Variants in RBX1 observed in about 807,000 individuals in gnomAD.
The protein encoded by RBX1 is ring-box 1, also known as E3 ubiquitin-protein ligase RBX1.
For missense variants in RBX1, 46 were observed against 141.4 expected (o/e 0.33, Z 3.42); for synonymous variants, 48 against 47.9 (o/e 1.00, Z -0.01).
rs2058358333 is a variant in RBX1, at chr22:40,967,895, T to G, written c.314+11T>G. The G allele has an allele frequency of 6.3e-7, 1 of 1,599,840 alleles. No individual in the cohort carries two copies. The highest frequency in any genetic ancestry group is 8.6e-7 in the Non-Finnish European group (1 of 1,167,194). ...GTGGGAATTCCAAAAGTAGGTATCT[T>G]TGGTTGTTTTGACGGGGCTTTTTGA... is the stretch of plus-strand genomic sequence containing the variant. On this transcript the variant is annotated intron_variant, in intron 4 of 4. Coordinates refer to ENST00000216225, the MANE Select transcript of RBX1 (RefSeq NM_014248.4).
intron 2 of RBX1, among the ~76,000 whole-genome samples, chr22:40,953,955 A>G (rs898185355): frequency 6.6e-6 from 1 of 152,148 alleles, no homozygotes. Flanking sequence ...AAATAGTGAA[A>G]GGAGGAAAAT....
chr22:40,958,869 A>G (rs1047565878), intron 2 of RBX1, among the ~76,000 whole-genome samples: 14 of 151,752 alleles, frequency 9.2e-5, no homozygotes, highest in African/African-American at 3.4e-4. Flanking sequence ...GCTGGAGTGC[A>G]GTGGCATGAT....
intron 2 of RBX1, among the ~76,000 whole-genome samples, chr22:40,960,305 T>C (rs1449705381): frequency 2.0e-5 from 3 of 151,944 alleles, no homozygotes; most frequent in Non-Finnish European, 4.4e-5. Flanking sequence ...ATAATTGATG[T>C]GTTAAGAGTG....
At chr22:40,957,893 C>T (rs980650818) in intron 2 of RBX1, among the ~76,000 whole-genome samples, 4 of 151,964 alleles carry the variant, frequency 2.6e-5, no homozygotes, top group Admixed American at 6.6e-5. Flanking sequence ...GGCACGATCT[C>T]GGCTTACTGC....
chr22:40,951,523 A>T (rs769996544), intron 1 of RBX1, 47 bp downstream of exon 1: 1 of 1,580,774 alleles, frequency 6.3e-7, no homozygotes, highest in Admixed American at 1.7e-5. Flanking sequence ...AGAGGCGCGG[A>T]TCTGGCTGGC....
chr22:40,961,917 T>G (rs1298477061), intron 2 of RBX1, among the ~76,000 whole-genome samples: 2 of 152,030 alleles, frequency 1.3e-5, no homozygotes, highest in Non-Finnish European at 2.9e-5. Context: ...CCTGAGTAGC[T>G]GGGATTACAG....
intron 4 of RBX1, 95 bp downstream of exon 4, chr22:40,967,979 T>G (rs758999232): frequency 1.9e-5 from 15 of 796,956 alleles, no homozygotes; most frequent in Admixed American, 1.8e-4. Flanking sequence ...ACATGCCTTG[T>G]TTTTTTTAAA....
At position 40,951,448 on chromosome 22, in the gene RBX1, C is replaced by T. The variant is rs2058310033; in HGVS notation, c.50C>T (p.Ala17Val). ...ACCCCGAGCGGCACCAACAGCGGCG[C>T]GGGCAAGAAGCGCTTTGAAGTGAAA... ...VDTPSGTNSG[A>V]GKKRFEVKKW... The change falls in exon 1 of 5, where the codon GCG becomes GTG. Residue 17 changes from alanine (A) to valine (V), a missense_variant. Ala to Val is a moderately conservative substitution (Grantham distance 64). Transcript: ENST00000216225. 6 of 1,613,690 alleles carry T rather than the reference C, an allele frequency of 3.7e-6. No individual in the cohort carries two copies. Among genetic ancestry groups the T allele is most frequent in the Non-Finnish European group, 5.1e-6 (6 of 1,179,840 alleles).
At chr22:40,971,289 ACGATTGTTCTACAG>A (rs2058368435) in intron 4 of RBX1, among the ~76,000 whole-genome samples, 1 of 152,162 alleles carries the variant, frequency 6.6e-6, no homozygotes, top group Non-Finnish European at 1.5e-5. Flanking sequence ...TTAATCTGAT[ACGATTGTTCTACAG>A]CCCATCTCAC....
At chr22:40,965,026 C>T (rs190734838) in intron 3 of RBX1, among the ~76,000 whole-genome samples, 116 of 152,302 alleles carry the variant, frequency 7.6e-4, no homozygotes, top group African/African-American at 2.3e-3. Context: ...CTAAATAGGC[C>T]GGACGCGGTG....
Position 40,972,626 on chromosome 22 carries a change from T to G in RBX1, c.*138T>G. 2 of 675,900 alleles carry G rather than the reference T, an allele frequency of 3.0e-6. No individual in the cohort carries two copies. The highest frequency in any genetic ancestry group is 1.8e-5 in the South Asian group (1 of 55,974). 41.9% of individuals were successfully genotyped at this position (675,900 alleles called of 1,614,324 possible). On this transcript the variant is annotated 3_prime_UTR_variant, in exon 5 of 5. Coordinates refer to ENST00000216225, the MANE Select transcript of RBX1 (RefSeq NM_014248.4). ...CAGTTTGCTGTTTCTGTAGCCATATTGTATTCTGTGTCAAATAAAGTCCAG... is the reference window on the plus strand; with the variant it reads ...CAGTTTGCTGTTTCTGTAGCCATATGGTATTCTGTGTCAAATAAAGTCCAG...
At position 40,972,893 on chromosome 22, in the gene RBX1, A is replaced by AGT. The variant is rs997090551; in HGVS notation, c.*407_*408dup. ...GCCCTTCTTTCTCCTGTGTGACAGC[A>AGT]GTGGGCAGCTGAAAGAGGGAAGAAT... is the stretch of plus-strand genomic sequence containing the variant. On this transcript the variant is annotated 3_prime_UTR_variant, in exon 5 of 5. Transcript: ENST00000216225. The AGT allele has an allele frequency of 6.2e-4, 105 of 170,002 alleles. No homozygotes were observed. Among genetic ancestry groups the AGT allele is most frequent in the African/African-American group, 2.5e-3 (104 of 41,994 alleles). 10.5% of individuals were successfully genotyped at this position (170,002 alleles called of 1,614,324 possible). A position where few individuals can be genotyped will look rare whatever the true frequency, so the allele number is the denominator to read the frequency against.
intron 2 of RBX1, among the ~76,000 whole-genome samples, chr22:40,958,466 T>C (rs370494216): frequency 7.2e-4 from 109 of 152,250 alleles, no homozygotes; most frequent in African/African-American, 2.5e-3. Flanking sequence ...CTTAAATGAG[T>C]AATTATATAC....
At position 40,972,510 on chromosome 22, in the gene RBX1, C is replaced by T. The variant is rs1018814807; in HGVS notation, c.*22C>T. The T allele has an allele frequency of 5.9e-5, 94 of 1,589,068 alleles. No homozygotes were observed. Among genetic ancestry groups the T allele is most frequent in the Non-Finnish European group, 7.9e-5 (91 of 1,157,516 alleles). ...CTAGGAAAAGACTTCTTCCATCAAG[C>T]TTAATTGTTTTGTTATTCATTTAAT... On this transcript the variant is annotated 3_prime_UTR_variant, in exon 5 of 5. Coordinates refer to ENST00000216225, the MANE Select transcript of RBX1 (RefSeq NM_014248.4).
intron 2 of RBX1, among the ~76,000 whole-genome samples, chr22:40,963,525 A>C (rs760544021): frequency 3.9e-5 from 6 of 152,022 alleles, no homozygotes; most frequent in Non-Finnish European, 7.4e-5. Context: ...AATTCCAGCT[A>C]CTTGGGAGTC....
Position 40,972,581 on chromosome 22 carries a change from T to A in RBX1, c.*93T>A. ...AATTACAAATTGGATGGAACTGTGTTTTTTTCTGCTTTGTTTTTTCAGTTT... is the reference window on the plus strand; with the variant it reads ...AATTACAAATTGGATGGAACTGTGTATTTTTCTGCTTTGTTTTTTCAGTTT... On this transcript the variant is annotated 3_prime_UTR_variant, in exon 5 of 5. Transcript: ENST00000216225. 1 of 1,036,268 alleles carries A rather than the reference T, an allele frequency of 9.7e-7. No individual in the cohort carries two copies. The highest frequency in any genetic ancestry group is 2.0e-5 in the Admixed American group (1 of 50,988). 64.2% of individuals were successfully genotyped at this position (1,036,268 alleles called of 1,614,324 possible). A position where few individuals can be genotyped will look rare whatever the true frequency, so the allele number is the denominator to read the frequency against.
intron 1 of RBX1, 130 bp downstream of exon 1, chr22:40,951,606 A>G (rs1314389949): frequency 1.2e-6 from 1 of 837,110 alleles, no homozygotes; most frequent in Non-Finnish European, 1.8e-6. Flanking sequence ...GTACCACGAA[A>G]GGAAGCCGGG....
At chr22:40,953,481 G>T in intron 1 of RBX1, 74 bp from the exon 2 acceptor site, 1 of 983,190 alleles carries the variant, frequency 1.0e-6, no homozygotes, top group Non-Finnish European at 1.6e-6. Flanking sequence ...AACTGCAGCT[G>T]CAGCCTGAGG....
intron 2 of RBX1, among the ~76,000 whole-genome samples, chr22:40,956,908 G>A (rs1488157921): frequency 3.3e-5 from 5 of 151,814 alleles, no homozygotes; most frequent in Admixed American, 6.6e-5. Context: ...GATGGCGGGC[G>A]CCTGTAGTCC....
Sources: allele counts gnomAD v4.1 joint callset (sites outside exome capture counted in the v4.1 genomes callset), GRCh38; gene constraint gnomAD v4.1.1; transcripts MANE v1.5; gene names NCBI Gene and HGNC (gene_info 2026-07-23, HGNC 2026-07-21).